EIF2S3B: variants seen among roughly 807,000 people sequenced by gnomAD.
The protein encoded by EIF2S3B is eukaryotic translation initiation factor 2 subunit gamma B.
A neutral mutation model predicts 26.4 loss-of-function variants in EIF2S3B; 16 were observed. That is an observed-to-expected ratio of 0.61 (90% CI 0.41 to 0.92). EIF2S3B has a LOEUF of 0.92. EIF2S3B is among the 40% of genes least tolerant of loss of function. EIF2S3B has a pLI of 0.00. For synonymous variants in EIF2S3B, 183 were observed against 204.4 expected (o/e 0.90, Z 0.89); for missense variants, 510 against 575.5 (o/e 0.89, Z 1.16).
chr12:10,510,526 A>T (rs1197928834), downstream of EIF2S3B, among the ~76,000 whole-genome samples: 1 of 152,214 alleles, frequency 6.6e-6, no homozygotes, highest in Admixed American at 6.5e-5. Flanking sequence ...TTTCCTTGAC[A>T]GGAGGCACAG....
chr12:10,506,449 A>G lies in EIF2S3B; in HGVS notation c.547A>G (p.Lys183Glu), dbSNP rs984869874. The part of the protein sequence containing the change: ...HLAAIEIMKL[K>E]HILILQNKID... Reference sequence around the variant, plus strand: ...GGCTGCTATAGAGATCATGAAACTGAAGCATATTTTGATTCTACAAAATAA... The same window carrying G: ...GGCTGCTATAGAGATCATGAAACTGGAGCATATTTTGATTCTACAAAATAA... Residue 183 changes from lysine to glutamate, a missense_variant, in exon 1 of 1, where the codon AAG (lysine) becomes GAG (glutamate). Coordinates refer to ENST00000538173, the MANE Select transcript of EIF2S3B (RefSeq NM_001357734.3). 4 of 1,613,004 alleles carry G rather than the reference A, an allele frequency of 2.5e-6. No homozygotes were observed. Among genetic ancestry groups the G allele is most frequent in the Admixed American group, 1.7e-5 (1 of 60,010 alleles).
At chr12:10,510,341 C>T (rs572175542), downstream of EIF2S3B, among the ~76,000 whole-genome samples, 18 of 152,254 alleles carry the variant, frequency 1.2e-4, no homozygotes, top group African/African-American at 4.1e-4. Context: ...TAACTCAGGA[C>T]ACACACATGT....
intron 1 of EIF2S3B, among the ~76,000 whole-genome samples, chr12:10,515,597 T>G (rs1864746868): frequency 6.6e-6 from 1 of 152,046 alleles, no homozygotes; most frequent in African/African-American, 2.4e-5. Flanking sequence ...TTATTCATGT[T>G]CTTCACTCTA....
At chr12:10,518,300 G>C (rs1289405993) in intron 1 of EIF2S3B, among the ~76,000 whole-genome samples, 1 of 152,018 alleles carries the variant, frequency 6.6e-6, no homozygotes, top group Non-Finnish European at 1.5e-5. Flanking sequence ...TCCTGTATTG[G>C]GTGCATATAT....
rs764077979 is a variant in EIF2S3B, at chr12:10,506,661, G to A, written c.759G>A (p.Glu253=). Residue 253 remains glutamate (E), a synonymous_variant, in exon 1 of 1, where the codon GAG becomes GAA. Coordinates refer to ENST00000538173, the MANE Select transcript of EIF2S3B (RefSeq NM_001357734.3). ...IPVPPRDFTS[E]PRLIVIRSFD... is the part of the protein sequence containing the mutation. Reference sequence around the variant, plus strand: ...TACCCCCAAGAGACTTTACTTCAGAGCCCCGGCTTATTGTTATTAGATCTT... The same window carrying A: ...TACCCCCAAGAGACTTTACTTCAGAACCCCGGCTTATTGTTATTAGATCTT... 19 of 1,613,882 alleles carry A rather than the reference G, an allele frequency of 1.2e-5. No homozygotes were observed. In the South Asian group the frequency reaches 2.1e-4, roughly 18 times the overall value.
chr12:10,520,828 C>T (rs993800707), intron 1 of EIF2S3B, among the ~76,000 whole-genome samples: 2 of 151,890 alleles, frequency 1.3e-5, no homozygotes, highest in African/African-American at 2.4e-5. Flanking sequence ...ATGGAGAGAC[C>T]TCAATAAGTA....
Position 10,506,940 on chromosome 12 carries a change from T to C in EIF2S3B, c.1038T>C (p.Thr346=). Residue 346 remains threonine, a synonymous_variant, in exon 1 of 1, where the codon ACT becomes ACC. Coordinates refer to ENST00000538173, the MANE Select transcript of EIF2S3B (RefSeq NM_001357734.3). ...LIGVGTKIDP[T]LCRADRMVGQ... ...GAGTTGGAACAAAAATTGACCCCACTTTGTGCCGGGCTGACAGAATGGTGG... is the reference window on the plus strand; with the variant it reads ...GAGTTGGAACAAAAATTGACCCCACCTTGTGCCGGGCTGACAGAATGGTGG... The C allele has an allele frequency of 6.2e-7, 1 of 1,613,856 alleles. No homozygotes were observed. Among genetic ancestry groups the C allele is most frequent in the Non-Finnish European group, 8.5e-7 (1 of 1,179,722 alleles).
chr12:10,512,044 A>T (rs73062510), downstream of EIF2S3B, among the ~76,000 whole-genome samples: 17,078 of 152,246 alleles, frequency 0.11, 1,186 homozygotes, highest in Non-Finnish European at 0.17. Context: ...AAATGGAGCT[A>T]TTGTTCCATT....
downstream of EIF2S3B, among the ~76,000 whole-genome samples, chr12:10,511,629 T>C (rs1192739934): frequency 2.0e-5 from 3 of 152,170 alleles, no homozygotes; most frequent in Non-Finnish European, 4.4e-5. Context: ...ACAAAAGATA[T>C]AAACTGGAAA....
chr12:10,520,290 C>A (rs893544469), intron 1 of EIF2S3B, among the ~76,000 whole-genome samples: 15 of 145,760 alleles, frequency 1.0e-4, no homozygotes, highest in African/African-American at 3.7e-4. Context: ...TGTTCTCACT[C>A]ATAGGTGGGA....
At chr12:10,518,895 G>T (rs1016336385) in intron 1 of EIF2S3B, among the ~76,000 whole-genome samples, 2 of 152,164 alleles carry the variant, frequency 1.3e-5, no homozygotes, top group Non-Finnish European at 2.9e-5. Flanking sequence ...CCATGCTCAT[G>T]GGTAGGAAGA....
intron 1 of EIF2S3B, among the ~76,000 whole-genome samples, chr12:10,520,623 TAAAC>T (rs1243551669): frequency 6.6e-6 from 1 of 152,076 alleles, no homozygotes; most frequent in South Asian, 2.1e-4. Context: ...AACAAGAAAA[TAAAC>T]AAAAAACAGT....
rs756650141 is a variant in EIF2S3B at position 10,506,031 on chromosome 12, T to C, written c.129T>C (p.Asn43=). The C allele has an allele frequency of 5.4e-5, 86 of 1,604,858 alleles. No homozygotes were observed. In the Admixed American group the frequency reaches 6.5e-4, roughly 12 times the overall value. The change falls in exon 1 of 1, where the codon AAT becomes AAC. Residue 43 remains asparagine, a synonymous_variant. Transcript: ENST00000538173. ...TTATCAGCAGACAAGCCACAATTAA[T>C]ATAGGTACAATTGGTCATGTAGCTC... ...HEVISRQATI[N]IGTIGHVAHG... is the part of the protein sequence containing the mutation.
At chr12:10,522,522 T>C in intron 1 of EIF2S3B, 1 of 556,736 alleles carries the variant, frequency 1.8e-6, no homozygotes, top group Non-Finnish European at 3.2e-6. Flanking sequence ...AAAATTAGTC[T>C]TTCCTTATAC....
intron 1 of EIF2S3B, among the ~76,000 whole-genome samples, chr12:10,521,105 A>G (rs74062087): frequency 0.013 from 1,967 of 152,256 alleles, 39 homozygotes; most frequent in African/African-American, 0.045. Flanking sequence ...GCATGTGAAC[A>G]TTTAGTGCCT....
downstream of EIF2S3B, among the ~76,000 whole-genome samples, chr12:10,511,784 T>TA (rs1434790228): frequency 6.6e-6 from 1 of 152,194 alleles, no homozygotes; most frequent in Non-Finnish European, 1.5e-5. Flanking sequence ...CTTATACAGC[T>TA]ACTTCTAATG....
chr12:10,516,356 G>A (rs965160662), intron 1 of EIF2S3B, among the ~76,000 whole-genome samples: 1 of 151,952 alleles, frequency 6.6e-6, no homozygotes, highest in Non-Finnish European at 1.5e-5. Context: ...AACTCCCAGG[G>A]TTACTGCAAC....
chr12:10,505,924 G>C lies in EIF2S3B; in HGVS notation c.22G>C (p.Val8Leu). The C allele has an allele frequency of 6.3e-7, 1 of 1,599,774 alleles. No individual in the cohort carries two copies. The highest frequency in any genetic ancestry group is 8.6e-7 in the Non-Finnish European group (1 of 1,166,904). The change falls in exon 1 of 1, where the codon GTG becomes CTG. Residue 8 changes from valine to leucine, a missense_variant. Physicochemically the swap from Val to Leu is conservative, Grantham distance 32. Transcript: ENST00000538173. MAGGEAG[V>L]TLGQPHLSRQ... Reference sequence around the variant, plus strand: ...CAACATGGCGGGCGGAGAAGCTGGGGTGACTCTGGGGCAGCCGCACCTTTC... The same window carrying C: ...CAACATGGCGGGCGGAGAAGCTGGGCTGACTCTGGGGCAGCCGCACCTTTC...
At chr12:10,522,305 A>G (rs1276086762) in intron 1 of EIF2S3B, among the ~76,000 whole-genome samples, 1 of 152,216 alleles carries the variant, frequency 6.6e-6, no homozygotes, top group Admixed American at 6.5e-5. Flanking sequence ...AGTGCACTCC[A>G]GCATTAGTGA....
Sources: gnomAD v4.1 joint callset for allele counts (sites outside exome capture counted in the v4.1 genomes callset) on GRCh38, gnomAD v4.1.1 for gene constraint, MANE v1.5 for transcripts, NCBI Gene and HGNC (gene_info 2026-07-23, HGNC 2026-07-21) for gene names.